Variants in AMER2 observed in about 807,000 individuals in gnomAD.
AMER2 encodes family with sequence similarity 123A.
Under a neutral mutation model 4.7 loss-of-function variants are expected in AMER2, and 1 was observed. The observed-to-expected ratio is 0.21, with a 90% CI of 0.07 to 1.00. AMER2 has a LOEUF of 1.00. Ranked by LOEUF, AMER2 falls within the 50% of genes least tolerant of loss-of-function variation. The probability of loss-of-function intolerance (pLI) is 0.60; values close to 1 mark genes in which losing one functional copy is unlikely to be tolerated. For synonymous variants in AMER2, 485 were observed against 433.3 expected (o/e 1.12, Z -1.48); for missense variants, 988 against 966.9 (o/e 1.02, Z -0.29).
rs1956526895 is a variant in AMER2, at chr13:25,169,725, C to T, written c.1895G>A (p.Ser632Asn). Reference sequence around the variant, plus strand: ...CGGGATTTTTGTTCTGGGCATCTCACTCCTGGAGGGTTGCTGGTGCACCAC... The same window carrying T: ...CGGGATTTTTGTTCTGGGCATCTCATTCCTGGAGGGTTGCTGGTGCACCAC... ...HPVVHQQPSRSEMPRTKIPVS... is the reference protein window; with the variant it reads ...HPVVHQQPSRNEMPRTKIPVS... The change falls in exon 1 of 1, where the codon AGT (serine) becomes AAT (asparagine). Residue 632 changes from serine (S) to asparagine (N), a missense_variant. By Grantham distance (46) the Ser-to-Asn change is conservative. Transcript: ENST00000515384. The surrounding 1 kb of genome is among the most constrained non-coding windows in gnomAD (Gnocchi z 4.2). 2 of 1,614,184 alleles carry T rather than the reference C, an allele frequency of 1.2e-6. No individual in the cohort carries two copies. Among genetic ancestry groups the T allele is most frequent in the Non-Finnish European group, 1.7e-6 (2 of 1,180,030 alleles).
rs1040466624 is a variant in AMER2 at position 25,166,860 on chromosome 13, C to T, written c.*2744G>A. 6.6e-6 allele frequency: 1 copy of T among 152,162 alleles called. No homozygotes were observed. The highest frequency in any genetic ancestry group is 1.5e-5 in the Non-Finnish European group (1 of 68,018). 9.4% of individuals were successfully genotyped at this position (152,162 alleles called of 1,614,324 possible). The stretch of plus-strand genomic sequence containing the variant: ...ATGGTTGGAAAAAGTTGAGAATCTA[C>T]TCTTCCTGCCACTCCAGGGATTTCC... On this transcript the variant is annotated 3_prime_UTR_variant, in exon 1 of 1. Coordinates refer to ENST00000515384, the MANE Select transcript of AMER2 (RefSeq NM_152704.4).
In AMER2 at chr13:25,170,912, G is replaced by A. The variant is rs749627116; in HGVS notation, c.708C>T (p.Cys236=). Residue 236 remains cysteine, a synonymous_variant, in exon 1 of 1, where the codon TGC becomes TGT. Transcript: ENST00000515384. The surrounding 1 kb of genome is among the most constrained non-coding windows in gnomAD (Gnocchi z 7.3). ...CGGCTCTGGGCGTCTCCTCCTTGAC[G>A]CACTCCAGGCTGGCGGTGAGCGAGC... ...LPGSLTASLE[C]VKEETPRAAR... The A allele has an allele frequency of 2.0e-5, 29 of 1,473,676 alleles. No individual in the cohort carries two copies. The East Asian group carries it at 6.8e-4, about 35-fold the overall frequency. The allele number at this position is 1,473,676 out of a possible 1,614,324, so 91.3% of individuals were successfully genotyped here. A position where few individuals can be genotyped will look rare whatever the true frequency, so the allele number is the denominator to read the frequency against.
In AMER2 at chr13:25,171,825, G is replaced by T; in HGVS notation, c.-206C>A. The T allele has an allele frequency of 9.2e-7, 1 of 1,081,426 alleles. No individual in the cohort carries two copies. The highest frequency in any genetic ancestry group is 1.2e-6 in the Non-Finnish European group (1 of 834,298). 67.0% of individuals were successfully genotyped at this position (1,081,426 alleles called of 1,614,324 possible). On this transcript the variant is annotated 5_prime_UTR_variant, in exon 1 of 1. Transcript: ENST00000515384. The surrounding 1 kb of genome is among the most constrained non-coding windows in gnomAD (Gnocchi z 5.9). ...TGGCTCGGCGCTGCATGGCGTTTTT[G>T]TGGCAGGAGCAGGCAACACAGCCGC...
Position 25,170,854 on chromosome 13 carries a change from G to A in AMER2, c.766C>T (p.Pro256Ser). The A allele has an allele frequency of 1.4e-6, 2 of 1,449,226 alleles. No individual in the cohort carries two copies. Among genetic ancestry groups the A allele is most frequent in the Non-Finnish European group, 1.8e-6 (2 of 1,110,080 alleles). 89.8% of individuals were successfully genotyped at this position (1,449,226 alleles called of 1,614,324 possible). A position where few individuals can be genotyped will look rare whatever the true frequency, so the allele number is the denominator to read the frequency against. The change falls in exon 1 of 1, where the codon CCG (proline) becomes TCG (serine). Residue 256 changes from proline to serine, a missense_variant. Pro to Ser is a moderately conservative substitution (Grantham distance 74). Transcript: ENST00000515384. This position sits in a 1 kb window ranked among gnomAD's most constrained non-coding sequence, Gnocchi z 7.3. ...REPEEPSQDAPRDPAGEPAGG... is the reference protein window; with the variant it reads ...REPEEPSQDASRDPAGEPAGG... ...GCGGGCTCACCTGCTGGGTCTCGCG[G>A]GGCGTCCTGGCTGGGCTCCTCCGGC...
At position 25,161,709 on chromosome 13, in the gene AMER2, T is replaced by G. The variant is rs1956408895; in HGVS notation, c.*7895A>C. On this transcript the variant is annotated 3_prime_UTR_variant, in exon 1 of 1. Transcript: ENST00000515384. ...TTTAAATGCAAAGGAGCAACAAAATTTATTGACTGAATTAAACACAACAGT... is the reference window on the plus strand; with the variant it reads ...TTTAAATGCAAAGGAGCAACAAAATGTATTGACTGAATTAAACACAACAGT... The G allele has an allele frequency of 2.6e-5, 4 of 152,114 alleles. No individual in the cohort carries two copies. The South Asian group carries it at 8.3e-4, about 32-fold the overall frequency. The allele number at this position is 152,114 out of a possible 1,614,324, so 9.4% of individuals were successfully genotyped here. A position where few individuals can be genotyped will look rare whatever the true frequency, so the allele number is the denominator to read the frequency against.
rs1956520304 is a variant in AMER2, at chr13:25,169,416, C to T, written c.*188G>A. ...GAGGAGAAACCCCCGTGTAGCATCC[C>T]TCTTTCTGGTGTTATCCGGTCCCTG... On this transcript the variant is annotated 3_prime_UTR_variant, in exon 1 of 1. Transcript: ENST00000515384. The surrounding 1 kb of genome is among the most constrained non-coding windows in gnomAD (Gnocchi z 4.2). The T allele has an allele frequency of 1.6e-6, 1 of 607,276 alleles. No individual in the cohort carries two copies. The highest frequency in any genetic ancestry group is 2.6e-6 in the Non-Finnish European group (1 of 383,364). The allele number at this position is 607,276 out of a possible 1,614,324, so 37.6% of individuals were successfully genotyped here. A position where few individuals can be genotyped will look rare whatever the true frequency, so the allele number is the denominator to read the frequency against.
rs1475857351 is a variant in AMER2, at chr13:25,167,980, G to C, written c.*1624C>G. The C allele has an allele frequency of 1.3e-5, 2 of 152,174 alleles. No homozygotes were observed. The highest frequency in any genetic ancestry group is 4.8e-5 in the African/African-American group (2 of 41,436). 9.4% of individuals were successfully genotyped at this position (152,174 alleles called of 1,614,324 possible). On this transcript the variant is annotated 3_prime_UTR_variant, in exon 1 of 1. Transcript: ENST00000515384. Reference sequence around the variant, plus strand: ...AGAAGTGTTCATGTCATTTACATATGTGCAGTTTCACGTGAATATGCATAA... The same window carrying C: ...AGAAGTGTTCATGTCATTTACATATCTGCAGTTTCACGTGAATATGCATAA...
rs1281616049 is a variant in AMER2 at position 25,167,468 on chromosome 13, AT to A, written c.*2135del. On this transcript the variant is annotated 3_prime_UTR_variant, in exon 1 of 1. Transcript: ENST00000515384. ...TAATACAGAAATAATTTCAAAAATA[AT>A]TTCCAGATCTAGAGTAGATGTCTTT... 1.3e-5 allele frequency: 2 copies of A among 152,208 alleles called. No homozygotes were observed. The highest frequency in any genetic ancestry group is 4.8e-5 in the African/African-American group (2 of 41,468). 9.4% of individuals were successfully genotyped at this position (152,208 alleles called of 1,614,324 possible).
At position 25,168,528 on chromosome 13, in the gene AMER2, T is replaced by G. The variant is rs1213002670; in HGVS notation, c.*1076A>C. On this transcript the variant is annotated 3_prime_UTR_variant, in exon 1 of 1. Transcript: ENST00000515384. Reference sequence around the variant, plus strand: ...GGGACACCAGCACAATAGATTTTTTTTTTTTTTGAGAACCAGAGAACCCAT... The same window carrying G: ...GGGACACCAGCACAATAGATTTTTTGTTTTTTTGAGAACCAGAGAACCCAT... The G allele has an allele frequency of 6.6e-6, 1 of 152,104 alleles. No individual in the cohort carries two copies. Among genetic ancestry groups the G allele is most frequent in the Non-Finnish European group, 1.5e-5 (1 of 68,020 alleles). The allele number at this position is 152,104 out of a possible 1,614,324, so 9.4% of individuals were successfully genotyped here.
Position 25,169,550 on chromosome 13 carries a change from A to T in AMER2, c.*54T>A. The T allele has an allele frequency of 6.6e-7, 1 of 1,515,592 alleles. No homozygotes were observed. Among genetic ancestry groups the T allele is most frequent in the Non-Finnish European group, 8.8e-7 (1 of 1,133,888 alleles). The allele number at this position is 1,515,592 out of a possible 1,614,324, so 93.9% of individuals were successfully genotyped here. ...AGCAAAACTTACTTTAGTGGTTTCC[A>T]GGGAAAAGTTGTATTCCTTGGCATG... On this transcript the variant is annotated 3_prime_UTR_variant, in exon 1 of 1. Coordinates refer to ENST00000515384, the MANE Select transcript of AMER2 (RefSeq NM_152704.4). This position sits in a 1 kb window ranked among gnomAD's most constrained non-coding sequence, Gnocchi z 4.2.
Position 25,170,305 on chromosome 13 carries a change from A to T in AMER2, c.1315T>A (p.Phe439Ile). The change falls in exon 1 of 1, where the codon TTC (phenylalanine) becomes ATC (isoleucine). Residue 439 changes from phenylalanine to isoleucine, a missense_variant. Transcript: ENST00000515384. The surrounding 1 kb of genome is among the most constrained non-coding windows in gnomAD (Gnocchi z 7.3). ...TCGGTCTGGGAGAGCATGTCCCAGA[A>T]CTCCTGTAGATAGGTGTCGTCCACC... The part of the protein sequence containing the change: ...DEVDDTYLQE[F>I]WDMLSQTEEQ... 1 of 1,613,172 alleles carries T rather than the reference A, an allele frequency of 6.2e-7. No homozygotes were observed. Among genetic ancestry groups the T allele is most frequent in the Non-Finnish European group, 8.5e-7 (1 of 1,179,808 alleles).
Position 25,171,627 on chromosome 13 carries a change from G to T in AMER2, c.-8C>A. 6.8e-7 allele frequency: 1 copy of T among 1,475,896 alleles called. No individual in the cohort carries two copies. The highest frequency in any genetic ancestry group is 8.9e-7 in the Non-Finnish European group (1 of 1,127,160). The allele number at this position is 1,475,896 out of a possible 1,614,324, so 91.4% of individuals were successfully genotyped here. A position where few individuals can be genotyped will look rare whatever the true frequency, so the allele number is the denominator to read the frequency against. ...GCTCCGGCTCGTCTCCATGGAAACC[G>T]CGCGGGATAAGCCGCTTTCGTCAGC... On this transcript the variant is annotated 5_prime_UTR_variant, in exon 1 of 1. Coordinates refer to ENST00000515384, the MANE Select transcript of AMER2 (RefSeq NM_152704.4). The surrounding 1 kb of genome is among the most constrained non-coding windows in gnomAD (Gnocchi z 5.9).
Position 25,170,761 on chromosome 13 carries a change from G to C in AMER2, c.859C>G (p.Leu287Val), listed in dbSNP as rs1193095754. 1 of 1,391,530 alleles carries C rather than the reference G, an allele frequency of 7.2e-7. No homozygotes were observed. Among genetic ancestry groups the C allele is most frequent in the Non-Finnish European group, 9.2e-7 (1 of 1,082,768 alleles). 86.2% of individuals were successfully genotyped at this position (1,391,530 alleles called of 1,614,324 possible). ...PARSCREAEG[L>V]AHPGDTGARG... ...GCGCCGGTGTCGCCGGGGTGCGCGAGGCCCTCTGCCTCTCGGCAGCTCCGC... is the reference window on the plus strand; with the variant it reads ...GCGCCGGTGTCGCCGGGGTGCGCGACGCCCTCTGCCTCTCGGCAGCTCCGC... The change falls in exon 1 of 1, where the codon CTC becomes GTC. Residue 287 changes from leucine to valine, a missense_variant. Physicochemically the swap from Leu to Val is conservative, Grantham distance 32. Transcript: ENST00000515384. This position sits in a 1 kb window ranked among gnomAD's most constrained non-coding sequence, Gnocchi z 7.3.
chr13:25,169,586 A>T lies in AMER2; in HGVS notation c.*18T>A, dbSNP rs372054996. The T allele has an allele frequency of 4.4e-5, 68 of 1,553,372 alleles. No homozygotes were observed. In the African/African-American group the frequency reaches 8.7e-4, roughly 20 times the overall value. ...GTATTCCTTGGCATGGGGCCCATCCACCTTGGCCTGGAAGACCTCACAACT... is the reference window on the plus strand; with the variant it reads ...GTATTCCTTGGCATGGGGCCCATCCTCCTTGGCCTGGAAGACCTCACAACT... On this transcript the variant is annotated 3_prime_UTR_variant, in exon 1 of 1. Transcript: ENST00000515384. This position sits in a 1 kb window ranked among gnomAD's most constrained non-coding sequence, Gnocchi z 4.2.
chr13:25,171,894 T>A lies in AMER2; in HGVS notation c.-275A>T, dbSNP rs1208072608. The A allele has an allele frequency of 1.1e-5, 5 of 475,830 alleles. No individual in the cohort carries two copies. Among genetic ancestry groups the A allele is most frequent in the African/African-American group, 1.0e-4 (5 of 49,506 alleles). The allele number at this position is 475,830 out of a possible 1,614,324, so 29.5% of individuals were successfully genotyped here. On this transcript the variant is annotated 5_prime_UTR_variant, in exon 1 of 1. Coordinates refer to ENST00000515384, the MANE Select transcript of AMER2 (RefSeq NM_152704.4). This position sits in a 1 kb window ranked among gnomAD's most constrained non-coding sequence, Gnocchi z 5.9. The stretch of plus-strand genomic sequence containing the variant: ...CGAGTCGTAATTATGGAATTCAAAT[T>A]CCCTCAACTCTCACCCACCTTCGGA...
chr13:25,171,281 C>T lies in AMER2; in HGVS notation c.339G>A (p.Leu113=). ...SRTHDGLAEV[L]VLESGRKEEP... ...CCTCCTTCCTGCCGCTCTCCAGCACCAGCACCTCGGCAAGTCCGTCGTGGG... is the reference window on the plus strand; with the variant it reads ...CCTCCTTCCTGCCGCTCTCCAGCACTAGCACCTCGGCAAGTCCGTCGTGGG... The change falls in exon 1 of 1, where the codon CTG becomes CTA. Residue 113 remains leucine (L), a synonymous_variant. Transcript: ENST00000515384. This position sits in a 1 kb window ranked among gnomAD's most constrained non-coding sequence, Gnocchi z 5.9. 22 of 1,572,058 alleles carry T rather than the reference C, an allele frequency of 1.4e-5. No homozygotes were observed. The highest frequency in any genetic ancestry group is 1.9e-5 in the Non-Finnish European group (22 of 1,161,828).
At position 25,162,412 on chromosome 13, in the gene AMER2, A is replaced by C. The variant is rs1438883523; in HGVS notation, c.*7192T>G. 6.6e-6 allele frequency: 1 copy of C among 152,226 alleles called. No homozygotes were observed. Among genetic ancestry groups the C allele is most frequent in the African/African-American group, 2.4e-5 (1 of 41,460 alleles). The allele number at this position is 152,226 out of a possible 1,614,324, so 9.4% of individuals were successfully genotyped here. ...CCCTGATATTCCTGATAGACCTACCACTATCAGATCCTCCATATTCAATAA... is the reference window on the plus strand; with the variant it reads ...CCCTGATATTCCTGATAGACCTACCCCTATCAGATCCTCCATATTCAATAA... On this transcript the variant is annotated 3_prime_UTR_variant, in exon 1 of 1. Transcript: ENST00000515384.
chr13:25,170,662 A>G lies in AMER2; in HGVS notation c.958T>C (p.Ser320Pro). ...TTTACGGGAACGGCCCCCGTCCTGG[A>G]AGCGTCCTCTGCCGTGCGGACCTCC... ...PGEVRTAEDA[S>P]RTGAVPVKTV... The change falls in exon 1 of 1, where the codon TCC becomes CCC. Residue 320 changes from serine to proline, a missense_variant. Transcript: ENST00000515384. This position sits in a 1 kb window ranked among gnomAD's most constrained non-coding sequence, Gnocchi z 7.3. 1 of 1,549,672 alleles carries G rather than the reference A, an allele frequency of 6.5e-7. No homozygotes were observed. Among genetic ancestry groups the G allele is most frequent in the Non-Finnish European group, 8.7e-7 (1 of 1,146,720 alleles).
At position 25,170,810 on chromosome 13, in the gene AMER2, G is replaced by C. The variant is rs751032219; in HGVS notation, c.810C>G (p.Pro270=). 7.2e-7 allele frequency: 1 copy of C among 1,388,212 alleles called. No homozygotes were observed. Among genetic ancestry groups the C allele is most frequent in the Non-Finnish European group, 9.3e-7 (1 of 1,080,670 alleles). The allele number at this position is 1,388,212 out of a possible 1,614,324, so 86.0% of individuals were successfully genotyped here. A position where few individuals can be genotyped will look rare whatever the true frequency, so the allele number is the denominator to read the frequency against. ...GCGCTGGGGCGCGGTCGGCGGGGGCGGGCACCTCCTCTCCCCCTGCGGGCT... is the reference window on the plus strand; with the variant it reads ...GCGCTGGGGCGCGGTCGGCGGGGGCCGGCACCTCCTCTCCCCCTGCGGGCT... ...AGEPAGGEEV[P]APADRAPARS... The change falls in exon 1 of 1, where the codon CCC becomes CCG. Residue 270 remains proline, a synonymous_variant. Coordinates refer to ENST00000515384, the MANE Select transcript of AMER2 (RefSeq NM_152704.4). This position sits in a 1 kb window ranked among gnomAD's most constrained non-coding sequence, Gnocchi z 7.3.
Sources: gnomAD v4.1 joint callset for allele counts on GRCh38, gnomAD v4.1.1 for gene constraint, Gnocchi (gnomAD v3.1) non-coding constraint, MANE v1.5 for transcripts, NCBI Gene and HGNC (gene_info 2026-07-23, HGNC 2026-07-21) for gene names.